Variants in SETBP1 observed in about 807,000 individuals in gnomAD.
The protein encoded by SETBP1 is SET-binding protein.
A neutral mutation model predicts 101.0 loss-of-function variants in SETBP1; 9 were observed. The ratio of observed to expected loss-of-function variants is 0.09; its 90% CI spans 0.05 to 0.16. SETBP1 has a LOEUF of 0.16. Among genes scored for constraint, SETBP1 ranks in the 10% least tolerant of loss-of-function variants. The pLI, the probability that SETBP1 is intolerant of heterozygous loss-of-function variation, is 1.00. For synonymous variants in SETBP1, 818 were observed against 788.5 expected, an observed-to-expected ratio of 1.04 and a Z score of -0.63; for missense variants, 1,858 against 2,033.8, an observed-to-expected ratio of 0.91 and a Z score of 1.66.
At chr18:44,976,102 A>T (rs1281143794) in intron 4 of SETBP1, among the ~76,000 whole-genome samples, 1 of 151,658 alleles carries the variant, frequency 6.6e-6, no homozygotes, top group African/African-American at 2.4e-5. Flanking sequence ...ACACACACAC[A>T]CACACACACA....
intron 2 of SETBP1, among the ~76,000 whole-genome samples, chr18:44,792,371 G>A (rs975308521): frequency 6.6e-6 from 1 of 152,166 alleles, no homozygotes; most frequent in Non-Finnish European, 1.5e-5. Context: ...CCCCCTTGCT[G>A]CAAGGAACAG....
intron 4 of SETBP1, among the ~76,000 whole-genome samples, chr18:45,008,700 C>T (rs890759543): frequency 6.6e-6 from 1 of 152,132 alleles, no homozygotes; most frequent in African/African-American, 2.4e-5. Context: ...AAATAAATCC[C>T]AGAACTCCAT....
intron 2 of SETBP1, among the ~76,000 whole-genome samples, chr18:44,728,346 A>G (rs1037930710): frequency 2.6e-5 from 4 of 152,144 alleles, no homozygotes; most frequent in Admixed American, 6.5e-5. Flanking sequence ...CCCTGTGCTA[A>G]GTTTATTTGC....
At chr18:45,046,279 A>G (rs901758606) in intron 5 of SETBP1, among the ~76,000 whole-genome samples, 1 of 152,204 alleles carries the variant, frequency 6.6e-6, no homozygotes, top group African/African-American at 2.4e-5. Flanking sequence ...ATGAAAAGGT[A>G]CACTCAAGAG....
chr18:44,848,599 T>C (rs536879057), intron 2 of SETBP1, among the ~76,000 whole-genome samples: 1 of 152,338 alleles, frequency 6.6e-6, no homozygotes, highest in East Asian at 1.9e-4. Context: ...AATTCATCTA[T>C]AGGTGCAAGT....
chr18:44,760,374 G>T (rs1443501032), intron 2 of SETBP1, among the ~76,000 whole-genome samples: 1 of 152,116 alleles, frequency 6.6e-6, no homozygotes, highest in African/African-American at 2.4e-5. Flanking sequence ...TAAATTATCA[G>T]CCAGGACCTG....
At chr18:44,721,697 A>G (rs947678419) in intron 2 of SETBP1, among the ~76,000 whole-genome samples, 2 of 152,170 alleles carry the variant, frequency 1.3e-5, no homozygotes, top group African/African-American at 2.4e-5. Flanking sequence ...CGCTTTAAAT[A>G]TGACCCATTC....
At chr18:44,731,311 G>C (rs1251576368) in intron 2 of SETBP1, among the ~76,000 whole-genome samples, 3 of 152,162 alleles carry the variant, frequency 2.0e-5, no homozygotes, top group Non-Finnish European at 4.4e-5. Context: ...AGATGATCAG[G>C]CTTTGCAGAA....
intron 2 of SETBP1, among the ~76,000 whole-genome samples, chr18:44,846,007 G>C (rs895120971): frequency 6.6e-6 from 1 of 152,212 alleles, no homozygotes; most frequent in Admixed American, 6.5e-5. Context: ...GTGCCTGAGA[G>C]CAGAAGCCTC....
intron 2 of SETBP1, among the ~76,000 whole-genome samples, chr18:44,762,949 A>G (rs1335479819): frequency 1.3e-5 from 2 of 152,254 alleles, no homozygotes; most frequent in African/African-American, 4.8e-5. Flanking sequence ...ATTACATAGA[A>G]TAAAGACTTG....
chr18:44,852,152 A>G (rs1371000442), intron 2 of SETBP1, among the ~76,000 whole-genome samples: 6 of 152,234 alleles, frequency 3.9e-5, no homozygotes, highest in Non-Finnish European at 5.9e-5. Flanking sequence ...AATGAGATGC[A>G]CAGGCACAGG....
intron 4 of SETBP1, among the ~76,000 whole-genome samples, chr18:45,001,926 G>A (rs998991923): frequency 6.6e-6 from 1 of 152,136 alleles, no homozygotes; most frequent in African/African-American, 2.4e-5. Flanking sequence ...CAGAGTGAGA[G>A]GGAGCTGTTC....
chr18:44,989,909 T>TAAAA (rs2072327555), intron 4 of SETBP1, among the ~76,000 whole-genome samples: 3 of 25,910 alleles, frequency 1.2e-4, no homozygotes, highest in African/African-American at 2.2e-4. Context: ...AAAAAAAAAT[T>TAAAA]TATCTAAGTG....
intron 5 of SETBP1, among the ~76,000 whole-genome samples, chr18:45,046,082 G>T (rs1315353491): frequency 2.6e-5 from 4 of 151,052 alleles, no homozygotes; most frequent in Non-Finnish European, 5.9e-5. Context: ...ATTGATCATT[G>T]ATTCCTACAT....
intron 2 of SETBP1, among the ~76,000 whole-genome samples, chr18:44,797,578 T>G (rs2071506567): frequency 1.3e-5 from 2 of 152,066 alleles, no homozygotes; most frequent in South Asian, 4.1e-4. Context: ...AGATGCAGGT[T>G]CAGGATCTCT....
In SETBP1 at chr18:44,950,773, T is replaced by C. The variant is rs1160789263; in HGVS notation, c.1433T>C (p.Val478Ala). The change falls in exon 4 of 6, where the codon GTT becomes GCT. Residue 478 changes from valine (V) to alanine (A), a missense_variant. Val to Ala is a moderately conservative substitution (Grantham distance 64). Transcript: ENST00000649279. ...ATGATAGAGAATGAGTCCCCCTCAGTTGGCCTTGAAACTGGTGGAAATGCT... is the reference window on the plus strand; with the variant it reads ...ATGATAGAGAATGAGTCCCCCTCAGCTGGCCTTGAAACTGGTGGAAATGCT... ...SKMIENESPS[V>A]GLETGGNAEK... 2 of 1,614,126 alleles carry C rather than the reference T, an allele frequency of 1.2e-6. No individual in the cohort carries two copies. Among genetic ancestry groups the C allele is most frequent in the Non-Finnish European group, 8.5e-7 (1 of 1,180,020 alleles).
intron 2 of SETBP1, among the ~76,000 whole-genome samples, chr18:44,814,362 C>A (rs1342235462): frequency 6.6e-6 from 1 of 152,132 alleles, no homozygotes; most frequent in Non-Finnish European, 1.5e-5. Context: ...AAACAGATAG[C>A]AAATTAAACA....
Position 44,950,375 on chromosome 18 carries a change from G to A in SETBP1, c.1035G>A (p.Gln345=), listed in dbSNP as rs762717804. ...KKSSKKDVIS[Q]TIPNPDLDWV... is the part of the protein sequence containing the mutation. ...CCAGTAAAAAAGATGTGATAAGTCA[G>A]ACCATACCAAACCCAGACCTGGATT... Residue 345 remains glutamine (Q), a synonymous_variant, in exon 4 of 6, where the codon CAG becomes CAA. Coordinates refer to ENST00000649279, the MANE Select transcript of SETBP1 (RefSeq NM_015559.3). 4 of 1,614,078 alleles carry A rather than the reference G, an allele frequency of 2.5e-6. No homozygotes were observed. In the South Asian group the frequency reaches 4.4e-5, roughly 18 times the overall value.
At chr18:44,745,813 C>G (rs1436005755) in intron 2 of SETBP1, among the ~76,000 whole-genome samples, 3 of 152,144 alleles carry the variant, frequency 2.0e-5, no homozygotes, top group Non-Finnish European at 4.4e-5. Flanking sequence ...GGAGAAGGGC[C>G]ATCAGGGAAG....
Sources: allele counts gnomAD v4.1 joint callset (sites outside exome capture counted in the v4.1 genomes callset), GRCh38; gene constraint gnomAD v4.1.1; transcripts MANE v1.5; gene names NCBI Gene and HGNC (gene_info 2026-07-23, HGNC 2026-07-21).